Variants in FMNL2 observed in about 807,000 individuals in gnomAD.
FMNL2 encodes the protein formin like 2.
FMNL2 carries 51 observed loss-of-function variants against 130.2 expected under a neutral mutation model. The observed-to-expected ratio is 0.39, with a 90% CI of 0.31 to 0.49. The LOEUF is 0.49. Among genes scored for constraint, FMNL2 ranks in the 20% least tolerant of loss-of-function variants. The probability of loss-of-function intolerance (pLI) is 0.85; values close to 1 mark genes in which losing one functional copy is unlikely to be tolerated. For synonymous variants in FMNL2, 465 were observed against 467.1 expected (o/e 1.00, Z 0.06); for missense variants, 977 against 1,316.2 (o/e 0.74, Z 3.99).
intron 4 of FMNL2, among the ~76,000 whole-genome samples, chr2:152,551,753 C>T (rs1439945817): frequency 3.9e-5 from 6 of 152,282 alleles, no homozygotes; most frequent in South Asian, 2.1e-4. Context: ...TGGTGACCCA[C>T]GCCTGTATTC....
chr2:152,462,613 TAAAG>T (rs1309960136), intron 1 of FMNL2, among the ~76,000 whole-genome samples: 1 of 152,180 alleles, frequency 6.6e-6, no homozygotes, highest in Non-Finnish European at 1.5e-5. Flanking sequence ...CAAGAACAAA[TAAAG>T]AAGGAACCAC....
At chr2:152,590,692 G>C (rs908454263) in intron 9 of FMNL2, among the ~76,000 whole-genome samples, 1 of 151,762 alleles carries the variant, frequency 6.6e-6, no homozygotes, top group Non-Finnish European at 1.5e-5. Context: ...CAGGAAGAAG[G>C]ATAAGATAAA....
intron 1 of FMNL2, among the ~76,000 whole-genome samples, chr2:152,369,821 T>C (rs1411779639): frequency 6.6e-6 from 1 of 152,232 alleles, no homozygotes; most frequent in Non-Finnish European, 1.5e-5. Flanking sequence ...CTTTTTAACA[T>C]GGGGAAGGCA....
At chr2:152,476,500 G>GT (rs1264262225) in intron 1 of FMNL2, among the ~76,000 whole-genome samples, 1 of 151,926 alleles carries the variant, frequency 6.6e-6, no homozygotes, top group African/African-American at 2.4e-5. Flanking sequence ...GCGAGACCCT[G>GT]TCTCTATTTA....
intron 1 of FMNL2, among the ~76,000 whole-genome samples, chr2:152,441,519 C>A (rs967557533): frequency 1.1e-4 from 15 of 140,024 alleles, no homozygotes; most frequent in African/African-American, 3.8e-4. Flanking sequence ...CTGGGTGACA[C>A]AGAGCAAGAC....
intron 1 of FMNL2, among the ~76,000 whole-genome samples, chr2:152,467,375 A>T (rs1689609719): frequency 1.3e-5 from 2 of 152,156 alleles, no homozygotes; most frequent in African/African-American, 2.4e-5. Flanking sequence ...CCTCAAACTT[A>T]ATAAATACCG....
rs545123144 is a variant in FMNL2 at position 152,388,522 on chromosome 2, T to TA, written c.117+52803dup. ...AGCCTAACTACCCCCGTGATTCAAT[T>TA]ACCTTCCACCGAGTCCCTCCCATGA... is the stretch of plus-strand genomic sequence containing the variant. On this transcript the variant is annotated intron_variant, in intron 1 of 25. Coordinates refer to ENST00000288670, the MANE Select transcript of FMNL2 (RefSeq NM_052905.4). 2.8e-4 allele frequency among the ~76,000 whole-genome samples: 43 copies of TA among 152,234 alleles called. No homozygotes were observed. In the South Asian group the frequency reaches 8.9e-3, roughly 32 times the overall value.
At chr2:152,430,492 C>T (rs906206757) in intron 1 of FMNL2, among the ~76,000 whole-genome samples, 2 of 152,278 alleles carry the variant, frequency 1.3e-5, no homozygotes, top group South Asian at 4.1e-4. Flanking sequence ...CTATGGGGTA[C>T]GTTGAAGACG....
chr2:152,432,959 A>G (rs192416610), intron 1 of FMNL2, among the ~76,000 whole-genome samples: 1 of 152,292 alleles, frequency 6.6e-6, no homozygotes, highest in East Asian at 1.9e-4. Flanking sequence ...ATTGACATGG[A>G]CTTTGGAGTC....
At chr2:152,387,087 A>T (rs369239198) in intron 1 of FMNL2, among the ~76,000 whole-genome samples, 2 of 152,190 alleles carry the variant, frequency 1.3e-5, no homozygotes, top group Non-Finnish European at 2.9e-5. Flanking sequence ...GGATTAAACC[A>T]TTCCTGGGAA....
intron 1 of FMNL2, among the ~76,000 whole-genome samples, chr2:152,409,525 G>C (rs888055547): frequency 6.6e-6 from 1 of 152,184 alleles, no homozygotes; most frequent in African/African-American, 2.4e-5. Flanking sequence ...TGAGGTCATG[G>C]AGAAGGCATG....
chr2:152,428,053 T>C (rs1687288562), intron 1 of FMNL2, among the ~76,000 whole-genome samples: 1 of 152,228 alleles, frequency 6.6e-6, no homozygotes, highest in Non-Finnish European at 1.5e-5. Flanking sequence ...CACTGCCAAA[T>C]TGCCACATTC....
intron 6 of FMNL2, among the ~76,000 whole-genome samples, chr2:152,571,253 A>G (rs1055715093): frequency 6.6e-6 from 1 of 152,122 alleles, no homozygotes; most frequent in Non-Finnish European, 1.5e-5. Flanking sequence ...AGGGGAGTGC[A>G]TTGCTGCTGA....
In FMNL2 at chr2:152,518,151, G is replaced by A. The variant is rs369213031; in HGVS notation, c.118-3792G>A. Reference sequence around the variant, plus strand: ...CAGCACAAGAGGAATGAGTTCACTCGAAAGAAGTTTAAAGGCAGTTATTAC... The same window carrying A: ...CAGCACAAGAGGAATGAGTTCACTCAAAAGAAGTTTAAAGGCAGTTATTAC... On this transcript the variant is annotated intron_variant, in intron 1 of 25. Coordinates refer to ENST00000288670, the MANE Select transcript of FMNL2 (RefSeq NM_052905.4). Among the ~76,000 whole-genome samples, 26 of 152,290 alleles carry A rather than the reference G, an allele frequency of 1.7e-4. No homozygotes were observed. The East Asian group carries it at 2.1e-3, about 12-fold the overall frequency.
chr2:152,549,202 T>A, intron 4 of FMNL2, 105 bp downstream of exon 4: 1 of 713,290 alleles, frequency 1.4e-6, no homozygotes, highest in Non-Finnish European at 2.1e-6. Context: ...CATTATAAAT[T>A]AAAAGACTGA....
chr2:152,560,930 A>G lies in FMNL2; in HGVS notation c.491A>G (p.Lys164Arg), dbSNP rs780241974. ...VESTVESSVD[K>R]SKPWSRSIED... ...AGTACTGTGGAGAGCTCGGTGGACA[A>G]ATCAAAGCCCTGGAGTAGGTCCATC... The change falls in exon 6 of 26, where the codon AAA becomes AGA. Residue 164 changes from lysine (K) to arginine (R), a missense_variant. By Grantham distance (26) the Lys-to-Arg change is conservative. Transcript: ENST00000288670. The G allele has an allele frequency of 1.0e-5, 15 of 1,487,286 alleles. No individual in the cohort carries two copies. The highest frequency in any genetic ancestry group is 1.8e-4 in the Middle Eastern group (1 of 5,706). 92.1% of individuals were successfully genotyped at this position (1,487,286 alleles called of 1,614,324 possible). A position where few individuals can be genotyped will look rare whatever the true frequency, so the allele number is the denominator to read the frequency against.
At chr2:152,443,819 G>C (rs752352695) in intron 1 of FMNL2, among the ~76,000 whole-genome samples, 1 of 151,952 alleles carries the variant, frequency 6.6e-6, no homozygotes, top group African/African-American at 2.4e-5. Flanking sequence ...CTCCAGCCTC[G>C]GCAACAGAGC....
In FMNL2 at chr2:152,643,869, T is replaced by C. The variant is rs1041477377; in HGVS notation, c.3169+2955T>C. 1.2e-5 allele frequency: 12 copies of C among 985,326 alleles called. No homozygotes were observed. In the African/African-American group the frequency reaches 1.7e-4, roughly 14 times the overall value. 61.0% of individuals were successfully genotyped at this position (985,326 alleles called of 1,614,324 possible). A position where few individuals can be genotyped will look rare whatever the true frequency, so the allele number is the denominator to read the frequency against. On this transcript the variant is annotated intron_variant, in intron 25 of 25. Coordinates refer to ENST00000288670, the MANE Select transcript of FMNL2 (RefSeq NM_052905.4). ...ACCAAGTAGATTGCTTATAAGATTT[T>C]TGAGCTAATGTCCTTCAACATATCC...
intron 20 of FMNL2, among the ~76,000 whole-genome samples, chr2:152,631,128 G>A (rs1285028355): frequency 6.6e-6 from 1 of 152,158 alleles, no homozygotes; most frequent in African/African-American, 2.4e-5. Context: ...GCTCACACCT[G>A]TAATCCCAGC....
Sources: allele counts gnomAD v4.1 joint callset (sites outside exome capture counted in the v4.1 genomes callset), GRCh38; gene constraint gnomAD v4.1.1; transcripts MANE v1.5; gene names NCBI Gene and HGNC (gene_info 2026-07-23, HGNC 2026-07-21).